Variants in NBEA observed in about 807,000 individuals in gnomAD.
NBEA encodes the protein lysosomal-trafficking regulator 2.
Under a neutral mutation model 343.4 loss-of-function variants are expected in NBEA, and 44 were observed. That is an observed-to-expected ratio of 0.13 (90% CI 0.10 to 0.16). The LOEUF (loss-of-function observed/expected upper bound fraction) is 0.16. Ranked by LOEUF, NBEA falls within the 10% of genes least tolerant of loss-of-function variation. NBEA has a pLI of 1.00. For missense variants in NBEA, 2,555 were observed against 3,631.3 expected, an observed-to-expected ratio of 0.70 and a Z score of 7.62; for synonymous variants, 1,175 against 1,238.7, an observed-to-expected ratio of 0.95 and a Z score of 1.08.
At chr13:35,173,864 A>G (rs1298241634) in intron 27 of NBEA, among the ~76,000 whole-genome samples, 1 of 152,178 alleles carries the variant, frequency 6.6e-6, no homozygotes, top group Non-Finnish European at 1.5e-5. Context: ...TGTTATTTCT[A>G]TTTTTAATAG....
chr13:35,645,013 G>A (rs921908675), intron 49 of NBEA, among the ~76,000 whole-genome samples: 1 of 152,186 alleles, frequency 6.6e-6, no homozygotes, highest in Admixed American at 6.5e-5. Flanking sequence ...AGATAATGAT[G>A]CATTCATATT....
chr13:35,643,842 G>T (rs887097360), intron 49 of NBEA, among the ~76,000 whole-genome samples: 1 of 152,126 alleles, frequency 6.6e-6, no homozygotes, highest in Non-Finnish European at 1.5e-5. Flanking sequence ...AATGAGTTCT[G>T]CGTGTCACCA....
intron 31 of NBEA, among the ~76,000 whole-genome samples, chr13:35,206,540 A>ATTTTGTTG (rs2073408427): frequency 6.6e-6 from 1 of 152,136 alleles, no homozygotes; most frequent in Non-Finnish European, 1.5e-5. Flanking sequence ...TTAGAGGAGA[A>ATTTTGTTG]TTTTGATAAC....
chr13:35,051,615 A>G (rs1177292250), intron 6 of NBEA, among the ~76,000 whole-genome samples: 1 of 152,026 alleles, frequency 6.6e-6, no homozygotes, highest in Non-Finnish European at 1.5e-5. Flanking sequence ...AAATATATTC[A>G]TTCATTATAA....
At chr13:35,152,826 G>A (rs1194082871) in intron 18 of NBEA, among the ~76,000 whole-genome samples, 1 of 152,064 alleles carries the variant, frequency 6.6e-6, no homozygotes, top group East Asian at 1.9e-4. Flanking sequence ...AATACACATT[G>A]GTTTTCATGT....
intron 35 of NBEA, among the ~76,000 whole-genome samples, chr13:35,303,039 C>T (rs2036654849): frequency 6.6e-6 from 1 of 151,946 alleles, no homozygotes; most frequent in Non-Finnish European, 1.5e-5. Flanking sequence ...TGATGTCTAC[C>T]TATGTCAGGA....
chr13:35,404,369 A>G (rs1393311459), intron 38 of NBEA, among the ~76,000 whole-genome samples: 1 of 150,706 alleles, frequency 6.6e-6, no homozygotes, highest in Non-Finnish European at 1.5e-5. Context: ...TCCAACAATG[A>G]TAGACTGGAT....
At chr13:35,457,417 T>A (rs1040878987) in intron 40 of NBEA, among the ~76,000 whole-genome samples, 3 of 152,214 alleles carry the variant, frequency 2.0e-5, no homozygotes, top group Non-Finnish European at 4.4e-5. Flanking sequence ...AACCTTGTTA[T>A]CATTTGCCTT....
intron 1 of NBEA, among the ~76,000 whole-genome samples, chr13:35,008,270 T>C (rs73167733): frequency 0.046 from 6,997 of 152,298 alleles, 208 homozygotes; most frequent in South Asian, 0.067. Context: ...TTTCCCTTCG[T>C]ATCCTTGGGA....
rs2070635297 is a variant in NBEA at position 35,173,516 on chromosome 13, CAG to C, written c.4477_4478del (p.Arg1493GlyfsTer3). The C allele has an allele frequency of 6.2e-7, 1 of 1,610,336 alleles. No individual in the cohort carries two copies. The highest frequency in any genetic ancestry group is 8.5e-7 in the Non-Finnish European group (1 of 1,177,706). ...TAGAATGTCGGCAAAGACAGAGAGACAGGGGAAATAAATCTTCCCATGGAAGC... is the reference window on the plus strand; with the variant it reads ...TAGAATGTCGGCAAAGACAGAGAGACGGGAAATAAATCTTCCCATGGAAGC... ...CLECRQRQRD[R>X]GNKSSHGSSK... On this transcript the variant is annotated frameshift_variant, in exon 27 of 59. Coordinates refer to ENST00000379939, the MANE Select transcript of NBEA (RefSeq NM_001385012.1). LOFTEE classifies it high-confidence loss of function.
chr13:35,212,003 A>G (rs1361221508), intron 33 of NBEA, among the ~76,000 whole-genome samples: 1 of 13,190 alleles, frequency 7.6e-5, no homozygotes, highest in East Asian at 9.1e-4. Flanking sequence ...ATACGTGTAC[A>G]CACACACACA....
At chr13:35,261,799 CA>C (rs1471163020) in intron 34 of NBEA, among the ~76,000 whole-genome samples, 66 of 152,102 alleles carry the variant, frequency 4.3e-4, no homozygotes, top group Admixed American at 4.3e-3. Flanking sequence ...AATTGGAGTT[CA>C]AGGAAAAGGG....
chr13:35,597,069 T>C (rs774033640), intron 47 of NBEA, among the ~76,000 whole-genome samples: 1 of 152,186 alleles, frequency 6.6e-6, no homozygotes, highest in Non-Finnish European at 1.5e-5. Context: ...GCAATAGGTA[T>C]ACAATTATGA....
chr13:35,215,309 A>G (rs919056248), intron 33 of NBEA, among the ~76,000 whole-genome samples: 1 of 151,580 alleles, frequency 6.6e-6, no homozygotes, highest in Admixed American at 6.6e-5. Context: ...TTTTTCAGCA[A>G]CTTATTGTAG....
At chr13:35,118,749 A>T (rs2066636092) in intron 16 of NBEA, among the ~76,000 whole-genome samples, 1 of 152,102 alleles carries the variant, frequency 6.6e-6, no homozygotes, top group Admixed American at 6.6e-5. Context: ...CCAAGAAGAC[A>T]CGAAAAAGCA....
chr13:35,129,634 G>C (rs2067307379), intron 17 of NBEA, among the ~76,000 whole-genome samples: 1 of 152,054 alleles, frequency 6.6e-6, no homozygotes, highest in African/African-American at 2.4e-5. Flanking sequence ...GGGAAAAAAG[G>C]AAAGGTTTCA....
chr13:35,298,203 GTGTGTGTGTATATATATA>G (rs2036272489), intron 35 of NBEA, among the ~76,000 whole-genome samples: 1 of 15,414 alleles, frequency 6.5e-5, no homozygotes, highest in Non-Finnish European at 3.1e-4. Context: ...GTGTGTGTGT[GTGTGTGTGTATATATATA>G]TATATATATA....
chr13:35,655,053 A>C, intron 54 of NBEA, 43 bp downstream of exon 54: 1 of 1,395,078 alleles, frequency 7.2e-7, no homozygotes, highest in Non-Finnish European at 9.4e-7. Context: ...CAAAATGACT[A>C]TTGTTAAAAC....
intron 38 of NBEA, among the ~76,000 whole-genome samples, chr13:35,376,234 T>A (rs1050859974): frequency 2.0e-5 from 3 of 152,164 alleles, no homozygotes; most frequent in African/African-American, 7.2e-5. Flanking sequence ...ATTATGAAGT[T>A]GCTGTCTGGT....
Sources: allele counts gnomAD v4.1 joint callset (sites outside exome capture counted in the v4.1 genomes callset), GRCh38; gene constraint gnomAD v4.1.1; transcripts MANE v1.5; gene names NCBI Gene and HGNC (gene_info 2026-07-23, HGNC 2026-07-21).